The following CBL variants were observed in gnomAD, a reference collection of about 807,000 sequenced individuals.
CBL encodes E3 ubiquitin-protein ligase CBL.
In CBL, 45 loss-of-function variants were observed where a neutral mutation model predicts 96.9. The observed-to-expected ratio is 0.46, with a 90% confidence interval of 0.37 to 0.60. The LOEUF is 0.60. Among genes scored for constraint, CBL ranks in the 20% least tolerant of loss-of-function variants. The probability of loss-of-function intolerance (pLI) is 0.00; values close to 1 mark genes in which losing one functional copy is unlikely to be tolerated. For synonymous variants in CBL, 420 were observed against 426.8 expected (o/e 0.98, Z 0.20); for missense variants, 1,024 against 1,143.5 (o/e 0.90, Z 1.51).
chr11:119,237,249 C>A (rs1949553187), intron 2 of CBL, among the ~76,000 whole-genome samples: 1 of 152,148 alleles, frequency 6.6e-6, no homozygotes, highest in Non-Finnish European at 1.5e-5. Flanking sequence ...AATCCTTTGC[C>A]CATTTTAAAG....
intron 3 of CBL, among the ~76,000 whole-genome samples, chr11:119,273,092 C>T (rs972137378): frequency 6.6e-6 from 1 of 152,014 alleles, no homozygotes; most frequent in Non-Finnish European, 1.5e-5. Context: ...AGCAGTTCTC[C>T]CAAGTAGCTG....
At chr11:119,241,626 T>C (rs1949587242) in intron 2 of CBL, among the ~76,000 whole-genome samples, 2 of 152,200 alleles carry the variant, frequency 1.3e-5, no homozygotes, top group Non-Finnish European at 2.9e-5. Flanking sequence ...AATCTTTTCC[T>C]AGCACCATGA....
At chr11:119,239,742 G>T (rs928333384) in intron 2 of CBL, among the ~76,000 whole-genome samples, 2 of 151,822 alleles carry the variant, frequency 1.3e-5, no homozygotes, top group African/African-American at 4.8e-5. Flanking sequence ...TCAGGTTAAA[G>T]AAGTTTCCTT....
intron 2 of CBL, among the ~76,000 whole-genome samples, chr11:119,235,824 A>C (rs1565860642): frequency 6.6e-6 from 1 of 152,130 alleles, no homozygotes; most frequent in African/African-American, 2.4e-5. Flanking sequence ...GTCTGTATCA[A>C]TTTTATTCCC....
chr11:119,206,583 G>A lies in CBL; in HGVS notation c.166G>A (p.Val56Met). The change falls in exon 1 of 16, where the codon GTG becomes ATG. Residue 56 changes from valine (V) to methionine (M), a missense_variant. Coordinates refer to ENST00000264033, the MANE Select transcript of CBL (RefSeq NM_005188.4). ...GCCGGGGACGGTGGACAAGAAGATG[G>A]TGGAGAAGTGCTGGAAGCTCATGGA... Reference protein sequence around the residue: ...HPPGTVDKKMVEKCWKLMDKV... With the variant: ...HPPGTVDKKMMEKCWKLMDKV... 1 of 1,548,986 alleles carries A rather than the reference G, an allele frequency of 6.5e-7. No individual in the cohort carries two copies. Among genetic ancestry groups the A allele is most frequent in the Non-Finnish European group, 8.7e-7 (1 of 1,146,378 alleles).
At chr11:119,258,022 TTCGAGA>T (rs1949723712) in intron 2 of CBL, among the ~76,000 whole-genome samples, 1 of 151,476 alleles carries the variant, frequency 6.6e-6, no homozygotes, top group African/African-American at 2.4e-5. Context: ...AGGTCAGGAG[TTCGAGA>T]CCACCCTGGC....
intron 9 of CBL, among the ~76,000 whole-genome samples, chr11:119,283,204 T>G (rs1408245114): frequency 6.6e-6 from 1 of 152,224 alleles, no homozygotes; most frequent in Non-Finnish European, 1.5e-5. Flanking sequence ...AAAATAATTA[T>G]GATGAAGTGA....
intron 1 of CBL, among the ~76,000 whole-genome samples, chr11:119,207,111 TCAGGGA>T (rs1949276290): frequency 6.6e-6 from 1 of 152,122 alleles, no homozygotes; most frequent in Non-Finnish European, 1.5e-5. Context: ...AGGACAGCTC[TCAGGGA>T]AGCTGTGCTC....
intron 1 of CBL, among the ~76,000 whole-genome samples, chr11:119,225,564 A>G (rs1273280375): frequency 2.0e-5 from 3 of 151,670 alleles, no homozygotes; most frequent in Non-Finnish European, 4.4e-5. Flanking sequence ...CATCCAGTTA[A>G]TTTTTGGTAT....
chr11:119,298,145 G>A (rs1950076137), intron 14 of CBL, among the ~76,000 whole-genome samples: 1 of 152,124 alleles, frequency 6.6e-6, no homozygotes, highest in Non-Finnish European at 1.5e-5. Flanking sequence ...ATAACCTTTG[G>A]CATGTTCAAA....
At chr11:119,239,550 GT>G (rs1343193725) in intron 2 of CBL, among the ~76,000 whole-genome samples, 2 of 152,138 alleles carry the variant, frequency 1.3e-5, no homozygotes, top group African/African-American at 4.8e-5. Context: ...ATTAGAGGTA[GT>G]TTTACTTCTT....
In CBL at chr11:119,232,647, T is replaced by A. The variant is rs1565859816; in HGVS notation, c.395T>A (p.Leu132His). The A allele has an allele frequency of 6.2e-7, 1 of 1,613,870 alleles. No homozygotes were observed. Among genetic ancestry groups the A allele is most frequent in the Non-Finnish European group, 8.5e-7 (1 of 1,179,794 alleles). Reference protein sequence around the residue: ...LMKKTKQTISLFKEGKERMYE... With the variant: ...LMKKTKQTISHFKEGKERMYE... The stretch of plus-strand genomic sequence containing the variant: ...AAGAAAACTAAGCAAACCATAAGCC[T>A]CTTCAAGGAGGGAAAAGAAAGAATG... Residue 132 changes from leucine (L) to histidine (H), a missense_variant, in exon 2 of 16, where the codon CTC becomes CAC. By Grantham distance (99) the Leu-to-His change is moderately conservative (BLOSUM62 -3). Coordinates refer to ENST00000264033, the MANE Select transcript of CBL (RefSeq NM_005188.4).
chr11:119,213,503 C>T (rs929147374), intron 1 of CBL, among the ~76,000 whole-genome samples: 31 of 152,180 alleles, frequency 2.0e-4, no homozygotes, highest in African/African-American at 7.2e-4. Context: ...ATCTTAACCT[C>T]TCAGGATTGT....
chr11:119,296,621 G>A (rs1950063767), intron 12 of CBL, among the ~76,000 whole-genome samples: 1 of 152,090 alleles, frequency 6.6e-6, no homozygotes, highest in Non-Finnish European at 1.5e-5. Context: ...CTAGGGCCTG[G>A]GACTCTATAA....
intron 1 of CBL, among the ~76,000 whole-genome samples, chr11:119,225,085 T>A (rs1949447399): frequency 6.6e-6 from 1 of 151,502 alleles, no homozygotes; most frequent in South Asian, 2.1e-4. Context: ...CGCGCGCTTG[T>A]ATGTATGCAT....
chr11:119,274,751 TTG>T (rs1172219973), intron 4 of CBL, 79 bp from the exon 5 acceptor site: 10 of 1,338,630 alleles, frequency 7.5e-6, no homozygotes, highest in South Asian at 1.2e-5. Context: ...AGAGTTGGTG[TTG>T]TTTTTTTTTT....
chr11:119,213,774 A>G (rs960321295), intron 1 of CBL, among the ~76,000 whole-genome samples: 10 of 147,070 alleles, frequency 6.8e-5, no homozygotes, highest in African/African-American at 2.3e-4. Flanking sequence ...TGTCACAATC[A>G]TAGCTCACTG....
At chr11:119,246,492 C>T (rs532441358) in intron 2 of CBL, among the ~76,000 whole-genome samples, 1 of 151,450 alleles carries the variant, frequency 6.6e-6, no homozygotes, top group East Asian at 2.0e-4. Context: ...TGCTCTGTTG[C>T]CCAGGCTGGA....
At position 119,232,591 on chromosome 11, in the gene CBL, G is replaced by T; in HGVS notation, c.339G>T (p.Glu113Asp). The T allele has an allele frequency of 6.2e-7, 1 of 1,614,100 alleles. No homozygotes were observed. Among genetic ancestry groups the T allele is most frequent in the South Asian group, 1.1e-5 (1 of 91,086 alleles). Residue 113 changes from glutamate (E) to aspartate (D), a missense_variant, in exon 2 of 16, where the codon GAG (glutamate) becomes GAT (aspartate). Physicochemically the swap from Glu to Asp is conservative, Grantham distance 45. Around this residue, in one of 4 missense-constraint regions of CBL, gnomAD observed 192 missense variants for 321.8 expected, o/e 0.60. Coordinates refer to ENST00000264033, the MANE Select transcript of CBL (RefSeq NM_005188.4). ...EGKMETLGEN[E>D]YFRVFMENLM... ...AGATGGAGACACTTGGAGAAAATGA[G>T]TATTTTAGGGTGTTTATGGAGAATT... is the stretch of plus-strand genomic sequence containing the variant.
Sources: gnomAD v4.1 joint callset for allele counts (sites outside exome capture counted in the v4.1 genomes callset) on GRCh38, gnomAD v4.1.1 for gene constraint, gnomAD v4.1.1 regional missense constraint, MANE v1.5 for transcripts, NCBI Gene and HGNC (gene_info 2026-07-23, HGNC 2026-07-21) for gene names.